KCNJ6: variants seen among roughly 807,000 people sequenced by gnomAD.
The protein encoded by KCNJ6 is G protein-activated inward rectifier potassium channel 2.
A neutral mutation model predicts 34.2 loss-of-function variants in KCNJ6; 9 were observed. The observed-to-expected ratio is 0.26, with a 90% CI of 0.16 to 0.46. The LOEUF is 0.46. Ranked by LOEUF, KCNJ6 falls within the 20% of genes least tolerant of loss-of-function variation. The pLI is 1.00. For synonymous variants in KCNJ6, 196 were observed against 207.1 expected (o/e 0.95, Z 0.46); for missense variants, 236 against 531.3 (o/e 0.44, Z 5.46).
intron 3 of KCNJ6, among the ~76,000 whole-genome samples, chr21:37,705,979 C>A (rs1312822654): frequency 6.6e-6 from 1 of 152,146 alleles, no homozygotes; most frequent in Non-Finnish European, 1.5e-5. Context: ...CTGTATATCA[C>A]ATGGGACTTG....
At chr21:37,678,100 A>G (rs1361353020) in intron 3 of KCNJ6, among the ~76,000 whole-genome samples, 10 of 152,116 alleles carry the variant, frequency 6.6e-5, no homozygotes, top group Non-Finnish European at 1.5e-5. Flanking sequence ...GCCAAACAGA[A>G]GCCGGCTAAC....
chr21:37,840,110 T>C (rs1188074270), intron 2 of KCNJ6, among the ~76,000 whole-genome samples: 2 of 152,240 alleles, frequency 1.3e-5, no homozygotes, highest in African/African-American at 2.4e-5. Flanking sequence ...CCTTTCCTCT[T>C]AAAAATGCTT....
chr21:37,726,610 G>C (rs1294408217), intron 2 of KCNJ6, among the ~76,000 whole-genome samples: 3 of 152,180 alleles, frequency 2.0e-5, no homozygotes, highest in African/African-American at 7.2e-5. Flanking sequence ...GTGTGTGTAT[G>C]TGTGTGTGTA....
At chr21:37,898,370 G>T (rs1487638733) in intron 1 of KCNJ6, among the ~76,000 whole-genome samples, 1 of 152,270 alleles carries the variant, frequency 6.6e-6, no homozygotes, top group East Asian at 1.9e-4. Flanking sequence ...AGATCACGAG[G>T]TCAGGAGATC....
intron 2 of KCNJ6, among the ~76,000 whole-genome samples, chr21:37,738,434 T>A (rs557517338): frequency 6.6e-6 from 1 of 152,382 alleles, no homozygotes; most frequent in South Asian, 2.1e-4. Context: ...ATTTGATTTC[T>A]TTAAAGTTAC....
intron 3 of KCNJ6, among the ~76,000 whole-genome samples, chr21:37,663,616 A>AT (rs1206994650): frequency 6.6e-6 from 1 of 152,220 alleles, no homozygotes; most frequent in Non-Finnish European, 1.5e-5. Context: ...ATGGGACAAC[A>AT]TGGATGAAGG....
At chr21:37,645,502 T>G (rs558375999) in intron 3 of KCNJ6, among the ~76,000 whole-genome samples, 1 of 152,356 alleles carries the variant, frequency 6.6e-6, no homozygotes, top group Non-Finnish European at 1.5e-5. Flanking sequence ...GTGGGTCATC[T>G]AATGAAGGCA....
At chr21:37,751,923 A>G (rs996706126) in intron 2 of KCNJ6, among the ~76,000 whole-genome samples, 25 of 152,240 alleles carry the variant, frequency 1.6e-4, no homozygotes, top group African/African-American at 5.3e-4. Context: ...TGTTTGAATG[A>G]ATGAATGAAA....
rs952805910 is a variant in KCNJ6 at position 37,611,616 on chromosome 21, C to T, written c.*13543G>A. 7 of 152,110 alleles carry T rather than the reference C, an allele frequency of 4.6e-5. No individual in the cohort carries two copies. Among genetic ancestry groups the T allele is most frequent in the Non-Finnish European group, 7.4e-5 (5 of 68,006 alleles). 9.4% of individuals were successfully genotyped at this position (152,110 alleles called of 1,614,324 possible). On this transcript the variant is annotated 3_prime_UTR_variant, in exon 4 of 4. Transcript: ENST00000609713. Reference sequence around the variant, plus strand: ...CAAAATATTAGCAAATCAAGTCCAACAATATATGAAAATAATTAAACACCA... The same window carrying T: ...CAAAATATTAGCAAATCAAGTCCAATAATATATGAAAATAATTAAACACCA...
chr21:37,860,450 G>C (rs1378129196), intron 1 of KCNJ6, among the ~76,000 whole-genome samples: 3 of 152,198 alleles, frequency 2.0e-5, no homozygotes, highest in African/African-American at 7.2e-5. Context: ...CCTGTGGTCT[G>C]TTCCCTATAT....
At chr21:37,720,051 A>G (rs1156632357) in intron 2 of KCNJ6, among the ~76,000 whole-genome samples, 1 of 152,204 alleles carries the variant, frequency 6.6e-6, no homozygotes, top group Non-Finnish European at 1.5e-5. Flanking sequence ...TGCAAAGTCA[A>G]AGATTGGAAG....
rs976158444 is a variant in KCNJ6, at chr21:37,614,253, T to A, written c.*10906A>T. ...TTCAGGGAAGTGTATGGTACATTTT[T>A]AAAATAATGCCACAGTGCATGCAGG... On this transcript the variant is annotated 3_prime_UTR_variant, in exon 4 of 4. Transcript: ENST00000609713. The A allele has an allele frequency of 6.6e-6, 1 of 152,168 alleles. No homozygotes were observed. Among genetic ancestry groups the A allele is most frequent in the African/African-American group, 2.4e-5 (1 of 41,440 alleles). 9.4% of individuals were successfully genotyped at this position (152,168 alleles called of 1,614,324 possible).
At chr21:37,778,698 T>TGTGTGC (rs1555843355) in intron 2 of KCNJ6, among the ~76,000 whole-genome samples, 2 of 146,408 alleles carry the variant, frequency 1.4e-5, no homozygotes, top group African/African-American at 5.0e-5. Context: ...GCTGTGTGCG[T>TGTGTGC]GTGTGTGTGT....
At chr21:37,754,584 T>C (rs749836835) in intron 2 of KCNJ6, among the ~76,000 whole-genome samples, 11 of 152,148 alleles carry the variant, frequency 7.2e-5, no homozygotes, top group Admixed American at 2.0e-4. Context: ...TCCGGGACAA[T>C]GGACTGAATG....
intron 3 of KCNJ6, among the ~76,000 whole-genome samples, chr21:37,709,833 A>G (rs1374563914): frequency 2.6e-5 from 4 of 152,220 alleles, no homozygotes; most frequent in Non-Finnish European, 1.5e-5. Context: ...TATACTAGTG[A>G]CAGAACTGAG....
chr21:37,618,586 G>A lies in KCNJ6; in HGVS notation c.*6573C>T, dbSNP rs2054280715. 1 of 152,116 alleles carries A rather than the reference G, an allele frequency of 6.6e-6. No homozygotes were observed. The highest frequency in any genetic ancestry group is 2.4e-5 in the African/African-American group (1 of 41,430). The allele number at this position is 152,116 out of a possible 1,614,324, so 9.4% of individuals were successfully genotyped here. A position where few individuals can be genotyped will look rare whatever the true frequency, so the allele number is the denominator to read the frequency against. ...GGGCACTGAGCCTTAATCTTGAAAT[G>A]GGCAATTACACAAAGTCGGTAGGAA... On this transcript the variant is annotated 3_prime_UTR_variant, in exon 4 of 4. Transcript: ENST00000609713.
chr21:37,688,061 G>A (rs1236363958), intron 3 of KCNJ6, among the ~76,000 whole-genome samples: 1 of 152,184 alleles, frequency 6.6e-6, no homozygotes, highest in Non-Finnish European at 1.5e-5. Flanking sequence ...ACACATGAAT[G>A]AGAAATAGAG....
In KCNJ6 at chr21:37,617,642, G is replaced by A. The variant is rs944222326; in HGVS notation, c.*7517C>T. 5 of 152,174 alleles carry A rather than the reference G, an allele frequency of 3.3e-5. No individual in the cohort carries two copies. Among genetic ancestry groups the A allele is most frequent in the Admixed American group, 2.0e-4 (3 of 15,280 alleles). The allele number at this position is 152,174 out of a possible 1,614,324, so 9.4% of individuals were successfully genotyped here. On this transcript the variant is annotated 3_prime_UTR_variant, in exon 4 of 4. Transcript: ENST00000609713. ...ACTATCTGGAGAGAGTTCTGCCATT[G>A]GCCCGATGACTGAGTCTGTGCCCAC...
At chr21:37,867,117 C>T (rs1440527028) in intron 1 of KCNJ6, among the ~76,000 whole-genome samples, 1 of 152,172 alleles carries the variant, frequency 6.6e-6, no homozygotes, top group Non-Finnish European at 1.5e-5. Context: ...CATTCTTTGA[C>T]TTCTTCTTTG....
Sources: gnomAD v4.1 joint callset for allele counts (sites outside exome capture counted in the v4.1 genomes callset) on GRCh38, gnomAD v4.1.1 for gene constraint, MANE v1.5 for transcripts, NCBI Gene and HGNC (gene_info 2026-07-23, HGNC 2026-07-21) for gene names.